The following HECW1 variants were observed in gnomAD, a reference collection of about 807,000 sequenced individuals.
HECW1 encodes the protein E3 ubiquitin-protein ligase HECW1.
Under a neutral mutation model 182.3 loss-of-function variants are expected in HECW1, and 61 were observed. The ratio of observed to expected loss-of-function variants is 0.33; its 90% CI spans 0.27 to 0.41. The LOEUF (loss-of-function observed/expected upper bound fraction) is 0.41, where lower values mean the gene tolerates loss of function less well. Ranked by LOEUF, HECW1 falls within the 10% of genes least tolerant of loss-of-function variation. The pLI is 1.00. For synonymous variants in HECW1, 859 were observed against 832.6 expected (o/e 1.03, Z -0.55); for missense variants, 1,739 against 2,108.9 (o/e 0.82, Z 3.44).
At chr7:43,301,362 C>T (rs1008901150) in intron 3 of HECW1, among the ~76,000 whole-genome samples, 2 of 152,214 alleles carry the variant, frequency 1.3e-5, no homozygotes, top group African/African-American at 4.8e-5. Context: ...GGAAGGTGGT[C>T]CCAGCATCTC....
chr7:43,286,501 C>G (rs1281517170), intron 3 of HECW1, among the ~76,000 whole-genome samples: 3 of 152,104 alleles, frequency 2.0e-5, no homozygotes, highest in Non-Finnish European at 2.9e-5. Context: ...AAATTTAATG[C>G]CAGTTTCATT....
intron 5 of HECW1, among the ~76,000 whole-genome samples, chr7:43,328,831 G>A (rs1005836206): frequency 6.6e-6 from 1 of 152,118 alleles, no homozygotes; most frequent in Admixed American, 6.5e-5. Context: ...CATAAATAAA[G>A]GGTCAAGGCC....
At chr7:43,131,784 G>A (rs1394890476) in intron 2 of HECW1, among the ~76,000 whole-genome samples, 1 of 152,208 alleles carries the variant, frequency 6.6e-6, no homozygotes, top group East Asian at 1.9e-4. Flanking sequence ...CTCTTTGCAG[G>A]TAGGTGCAGC....
intron 8 of HECW1, among the ~76,000 whole-genome samples, chr7:43,437,656 AG>A (rs1194752605): frequency 6.6e-6 from 1 of 152,226 alleles, no homozygotes; most frequent in Non-Finnish European, 1.5e-5. Context: ...GTTTATTTAA[AG>A]TACATTTTCT....
chr7:43,540,634 T>C (rs1386001240), intron 24 of HECW1, among the ~76,000 whole-genome samples: 1 of 152,216 alleles, frequency 6.6e-6, no homozygotes, highest in Non-Finnish European at 1.5e-5. Flanking sequence ...ATTCAGCTTA[T>C]CTCTTACCAT....
At chr7:43,523,097 A>T (rs1027075694) in intron 24 of HECW1, 2 of 415,220 alleles carry the variant, frequency 4.8e-6, no homozygotes, top group African/African-American at 2.1e-5. Context: ...TCCTCCTCCC[A>T]GGTTCAAGCA....
intron 5 of HECW1, among the ~76,000 whole-genome samples, chr7:43,337,604 T>C (rs901176239): frequency 2.6e-5 from 4 of 152,246 alleles, no homozygotes; most frequent in Admixed American, 6.5e-5. Context: ...TATGTGCATG[T>C]ACTTCATTTC....
chr7:43,159,199 T>G (rs1304598329), intron 2 of HECW1, among the ~76,000 whole-genome samples: 1 of 151,900 alleles, frequency 6.6e-6, no homozygotes, highest in Admixed American at 6.5e-5. Flanking sequence ...TTTTTATTAT[T>G]ATACTTTAAG....
At chr7:43,126,047 T>C (rs1204971299) in intron 2 of HECW1, among the ~76,000 whole-genome samples, 1 of 149,600 alleles carries the variant, frequency 6.7e-6, no homozygotes, top group Non-Finnish European at 1.5e-5. Flanking sequence ...AAGGCGTGCG[T>C]GTATATGAGT....
rs184872176 is a variant in HECW1, at chr7:43,407,799, C to G, written c.801+68C>G. On this transcript the variant is annotated intron_variant, in intron 8 of 29. Transcript: ENST00000395891. ...AAGGGCTGACTGTGAACCAGCCCTC[C>G]TCCTTCCCTCCATTCATGGAGCCCT... 61 of 1,349,842 alleles carry G rather than the reference C, an allele frequency of 4.5e-5. 1 individual carries two copies. In the East Asian group the frequency reaches 8.8e-4, roughly 19 times the overall value. 83.6% of individuals were successfully genotyped at this position (1,349,842 alleles called of 1,614,324 possible).
chr7:43,404,465 G>A (rs1321240160), intron 7 of HECW1, among the ~76,000 whole-genome samples: 3 of 152,156 alleles, frequency 2.0e-5, no homozygotes, highest in African/African-American at 7.2e-5. Flanking sequence ...ATGGCTGAGT[G>A]ATAAAGAAAG....
intron 2 of HECW1, among the ~76,000 whole-genome samples, chr7:43,168,263 T>C (rs6463170): frequency 0.3 from 46,090 of 151,960 alleles, 7,355 homozygotes; most frequent in East Asian, 0.49. Flanking sequence ...TCAGCCTGTG[T>C]GAGAGACAGA....
In HECW1 at chr7:43,550,294, T is replaced by G. The variant is rs1005166833; in HGVS notation, c.4249-151T>G. 3 of 816,470 alleles carry G rather than the reference T, an allele frequency of 3.7e-6. No individual in the cohort carries two copies. The South Asian group carries it at 5.2e-5, about 14-fold the overall frequency. 50.6% of individuals were successfully genotyped at this position (816,470 alleles called of 1,614,324 possible). A position where few individuals can be genotyped will look rare whatever the true frequency, so the allele number is the denominator to read the frequency against. ...AACAGCCAGAGCTCTTTTAGTGACCTTTAGCAAGGAAAAAAGACTCCAGGG... is the reference window on the plus strand; with the variant it reads ...AACAGCCAGAGCTCTTTTAGTGACCGTTAGCAAGGAAAAAAGACTCCAGGG... On this transcript the variant is annotated intron_variant, in intron 26 of 29. Transcript: ENST00000395891.
chr7:43,188,489 C>T (rs891117287), intron 2 of HECW1, among the ~76,000 whole-genome samples: 1 of 152,170 alleles, frequency 6.6e-6, no homozygotes, highest in Non-Finnish European at 1.5e-5. Flanking sequence ...AGTTTAATCA[C>T]TAACCTAGGG....
intron 5 of HECW1, among the ~76,000 whole-genome samples, chr7:43,337,935 A>G (rs1474113572): frequency 6.6e-6 from 1 of 152,228 alleles, no homozygotes; most frequent in Non-Finnish European, 1.5e-5. Flanking sequence ...AACTGGGAGA[A>G]GCAACTACCA....
At chr7:43,406,705 G>A (rs973829173) in intron 7 of HECW1, among the ~76,000 whole-genome samples, 5 of 152,206 alleles carry the variant, frequency 3.3e-5, no homozygotes, top group African/African-American at 1.2e-4. Flanking sequence ...ATCACCTGAG[G>A]TCAGGAGTTC....
At chr7:43,144,075 A>G (rs1788447667) in intron 2 of HECW1, among the ~76,000 whole-genome samples, 1 of 152,168 alleles carries the variant, frequency 6.6e-6, no homozygotes, top group Non-Finnish European at 1.5e-5. Flanking sequence ...TCGAGTCATC[A>G]TGTCTTCCTA....
At chr7:43,423,502 C>T (rs1413217037) in intron 8 of HECW1, among the ~76,000 whole-genome samples, 8 of 152,200 alleles carry the variant, frequency 5.3e-5, no homozygotes, top group Non-Finnish European at 1.5e-5. Context: ...ATTCACTTGC[C>T]AAAGTGTTCC....
intron 3 of HECW1, among the ~76,000 whole-genome samples, chr7:43,253,076 C>T (rs898969628): frequency 6.6e-6 from 1 of 151,858 alleles, no homozygotes; most frequent in Non-Finnish European, 1.5e-5. Context: ...GGATTTTCAG[C>T]TGCTTGGGAT....
Sources: allele counts gnomAD v4.1 joint callset (sites outside exome capture counted in the v4.1 genomes callset), GRCh38; gene constraint gnomAD v4.1.1; transcripts MANE v1.5; gene names NCBI Gene and HGNC (gene_info 2026-07-23, HGNC 2026-07-21).